Variants in GOLIM4 observed in about 807,000 individuals in gnomAD.
GOLIM4 encodes the protein golgi integral membrane protein 4.
In GOLIM4, 71 loss-of-function variants were observed where a neutral mutation model predicts 107.4. That is an observed-to-expected ratio of 0.66 (90% CI 0.55 to 0.81). The LOEUF (loss-of-function observed/expected upper bound fraction) is 0.81. Among genes scored for constraint, GOLIM4 ranks in the 30% least tolerant of loss-of-function variants. GOLIM4 has a pLI of 0.00. For missense variants in GOLIM4, 830 were observed against 826.1 expected (o/e 1.00, Z -0.06); for synonymous variants, 327 against 294.8 (o/e 1.11, Z -1.12).
At chr3:168,012,483 G>C (rs1324076017) in intron 14 of GOLIM4, among the ~76,000 whole-genome samples, 2 of 146,428 alleles carry the variant, frequency 1.4e-5, no homozygotes, top group Non-Finnish European at 2.9e-5. Flanking sequence ...TTATCCAGGA[G>C]AACTTCCCCA....
intron 1 of GOLIM4, among the ~76,000 whole-genome samples, chr3:168,069,279 A>C (rs1720720885): frequency 6.6e-6 from 1 of 152,238 alleles, no homozygotes; most frequent in South Asian, 2.1e-4. Context: ...GCGAAAGATA[A>C]AAATGTACTC....
chr3:168,022,001 G>A (rs1173622883), intron 14 of GOLIM4, among the ~76,000 whole-genome samples: 1 of 152,224 alleles, frequency 6.6e-6, no homozygotes, highest in Non-Finnish European at 1.5e-5. Context: ...AAGGGATCAT[G>A]CCTTCCATTC....
At position 168,048,357 on chromosome 3, in the gene GOLIM4, C is replaced by A; in HGVS notation, c.196G>T (p.Glu66Ter). 1 of 1,494,188 alleles carries A rather than the reference C, an allele frequency of 6.7e-7. No homozygotes were observed. The highest frequency in any genetic ancestry group is 1.2e-5 in the South Asian group (1 of 81,876). The allele number at this position is 1,494,188 out of a possible 1,614,324, so 92.6% of individuals were successfully genotyped here. ...SLSAQLQVVY[E>*]HRSRLEKSLQ... ...GATTTCTCTAATCTTGATCTGTGTT[C>A]ATATACAACTGGAAAAAAAGTTAAC... Residue 66 changes from glutamate (E) to a stop codon, truncating the protein, a stop_gained, in exon 2 of 16, where the codon GAA becomes TAA. Coordinates refer to ENST00000470487, the MANE Select transcript of GOLIM4 (RefSeq NM_014498.5). LOFTEE classifies it high-confidence loss of function.
chr3:168,072,119 T>C (rs187327264), intron 1 of GOLIM4, among the ~76,000 whole-genome samples: 246 of 152,250 alleles, frequency 1.6e-3, no homozygotes, highest in Middle Eastern at 6.8e-3. Flanking sequence ...ACTGATGATC[T>C]GAGGAAACAA....
chr3:168,027,597 A>T, intron 12 of GOLIM4, 131 bp downstream of exon 12: 3 of 668,810 alleles, frequency 4.5e-6, no homozygotes, highest in Admixed American at 2.5e-5. Context: ...TAATTATGCA[A>T]GCCATTTTCC....
chr3:168,011,409 G>A (rs139740841), intron 14 of GOLIM4, among the ~76,000 whole-genome samples: 29,599 of 151,682 alleles, frequency 0.2, 6,447 homozygotes, highest in African/African-American at 0.54. Flanking sequence ...ACAGAATCTC[G>A]CTGATTGCCA....
intron 1 of GOLIM4, among the ~76,000 whole-genome samples, chr3:168,048,743 T>C (rs933184401): frequency 6.6e-6 from 1 of 152,204 alleles, no homozygotes; most frequent in African/African-American, 2.4e-5. Flanking sequence ...TACCCCCACA[T>C]CTACACTTCC....
At position 168,046,951 on chromosome 3, in the gene GOLIM4, CT is replaced by C; in HGVS notation, c.310del (p.Arg104GlyfsTer11). 1 of 1,342,126 alleles carries C rather than the reference CT, an allele frequency of 7.5e-7. No homozygotes were observed. Among genetic ancestry groups the C allele is most frequent in the Admixed American group, 2.5e-5 (1 of 39,900 alleles). 83.1% of individuals were successfully genotyped at this position (1,342,126 alleles called of 1,614,324 possible). ...LEAQETLNKG[R>X]QDSNSRYSAL... ...CACAACAAAAAAAACAAAACTTACC[CT>C]TCCTTTATTTAATGTTTCTTGTGCT... On this transcript the variant is annotated frameshift_variant and splice_region_variant, in exon 3 of 16. Transcript: ENST00000470487. LOFTEE classifies it high-confidence loss of function.
intron 14 of GOLIM4, among the ~76,000 whole-genome samples, chr3:168,015,911 A>C (rs1717336585): frequency 7.4e-6 from 1 of 134,376 alleles, no homozygotes; most frequent in Admixed American, 7.0e-5. Flanking sequence ...TAAAGACTTA[A>C]ACGTTAGACC....
rs1234870173 is a variant in GOLIM4, at chr3:168,091,485, T to A, written c.187+3614A>T. Among the ~76,000 whole-genome samples, 3 of 152,316 alleles carry A rather than the reference T, an allele frequency of 2.0e-5. No individual in the cohort carries two copies. The East Asian group carries it at 5.8e-4, about 29-fold the overall frequency. On this transcript the variant is annotated intron_variant, in intron 1 of 15. Transcript: ENST00000470487. ...TCCAAGTTTAAATTGTCAAGGAAGG[T>A]CCTTTCTTCTGATTAAAGTACACTG...
intron 14 of GOLIM4, among the ~76,000 whole-genome samples, chr3:168,020,342 C>G (rs1717612260): frequency 6.6e-6 from 1 of 152,160 alleles, no homozygotes; most frequent in South Asian, 2.1e-4. Flanking sequence ...CCATCCACAA[C>G]TGTCTGCCCT....
intron 1 of GOLIM4, among the ~76,000 whole-genome samples, chr3:168,086,598 T>C (rs1193244345): frequency 6.6e-6 from 1 of 152,206 alleles, no homozygotes; most frequent in Non-Finnish European, 1.5e-5. Flanking sequence ...ACAGCACATC[T>C]TAATTTTCTA....
chr3:168,046,224 T>A (rs1018749942), intron 3 of GOLIM4, among the ~76,000 whole-genome samples: 4 of 152,342 alleles, frequency 2.6e-5, no homozygotes, highest in African/African-American at 9.6e-5. Context: ...TTAATGCTTA[T>A]ATACTTTTCT....
At chr3:168,040,082 A>C (rs1718898003) in intron 7 of GOLIM4, among the ~76,000 whole-genome samples, 1 of 152,226 alleles carries the variant, frequency 6.6e-6, no homozygotes, top group African/African-American at 2.4e-5. Flanking sequence ...AAAAGTGAAG[A>C]TCTAGTTTAC....
At position 168,010,410 on chromosome 3, in the gene GOLIM4, A is replaced by T. The variant is rs1200555324; in HGVS notation, c.1950T>A (p.Asp650Glu). The T allele has an allele frequency of 6.3e-7, 1 of 1,599,304 alleles. No homozygotes were observed. The highest frequency in any genetic ancestry group is 1.1e-5 in the South Asian group (1 of 89,988). Residue 650 changes from aspartate to glutamate, a missense_variant, in exon 16 of 16, where the codon GAT becomes GAA. Transcript: ENST00000470487. ...CTTGCTCTTCTCCATCATTATTTTT[A>T]TCATCAGTCTTAAAATTAAAAGAAA... ...TYGENDENTD[D>E]KNNDGEEQEV...
chr3:168,034,195 C>T (rs1391612000), intron 8 of GOLIM4, among the ~76,000 whole-genome samples: 1 of 152,132 alleles, frequency 6.6e-6, no homozygotes, highest in Non-Finnish European at 1.5e-5. Flanking sequence ...CATAATACTG[C>T]CCTGGCTTTA....
chr3:168,058,019 G>A (rs146719631), intron 1 of GOLIM4, among the ~76,000 whole-genome samples: 324 of 152,266 alleles, frequency 2.1e-3, no homozygotes, highest in African/African-American at 7.5e-3. Context: ...AAATTTATAT[G>A]TTGGTGTGTA....
intron 14 of GOLIM4, among the ~76,000 whole-genome samples, chr3:168,014,453 C>T (rs1057470118): frequency 7.6e-6 from 1 of 130,736 alleles, no homozygotes; most frequent in Non-Finnish European, 1.5e-5. Flanking sequence ...CCGAATTCTA[C>T]CAGAGGTACA....
At chr3:168,027,914 C>G in intron 11 of GOLIM4, 77 bp from the exon 12 acceptor site, 1 of 919,304 alleles carries the variant, frequency 1.1e-6, no homozygotes, top group Non-Finnish European at 1.8e-6. Context: ...GAAAAGCCAC[C>G]AGTGGACTTT....
Sources: gnomAD v4.1 joint callset for allele counts (sites outside exome capture counted in the v4.1 genomes callset) on GRCh38, gnomAD v4.1.1 for gene constraint, MANE v1.5 for transcripts, NCBI Gene and HGNC (gene_info 2026-07-23, HGNC 2026-07-21) for gene names.